AHCYL1: variants seen among roughly 807,000 people sequenced by gnomAD.
AHCYL1 encodes the protein adenosylhomocysteinase like 1, also known as S-adenosylhomocysteine hydrolase-like protein 1.
Under a neutral mutation model 79.3 loss-of-function variants are expected in AHCYL1, and 20 were observed. The observed-to-expected ratio is 0.25, with a 90% CI of 0.18 to 0.37. The LOEUF is 0.37. Among genes scored for constraint, AHCYL1 ranks in the 10% least tolerant of loss-of-function variants. AHCYL1 has a pLI of 1.00. For synonymous variants in AHCYL1, 223 were observed against 242.2 expected (o/e 0.92, Z 0.74); for missense variants, 330 against 673.6 (o/e 0.49, Z 5.65).
At chr1:110,021,609 G>T in intron 16 of AHCYL1, 65 bp from the exon 17 acceptor site, 2 of 1,558,652 alleles carry the variant, frequency 1.3e-6, no homozygotes, top group Non-Finnish European at 1.8e-6. Context: ...CTCTGTTTCC[G>T]ATTGTTTTTT....
chr1:109,994,256 TTTGTG>T (rs1327772982), intron 1 of AHCYL1, among the ~76,000 whole-genome samples: 1 of 139,136 alleles, frequency 7.2e-6, no homozygotes, highest in African/African-American at 2.5e-5. Context: ...ATTTTGCTAT[TTTGTG>T]TTGTTTGTTT....
chr1:109,995,231 G>A (rs1386507158), intron 1 of AHCYL1, among the ~76,000 whole-genome samples: 1 of 152,200 alleles, frequency 6.6e-6, no homozygotes, highest in Non-Finnish European at 1.5e-5. Context: ...GATGGTTGAT[G>A]AGATTAGTTT....
intron 6 of AHCYL1, 62 bp downstream of exon 6, chr1:110,014,919 G>A: frequency 1.4e-6 from 2 of 1,473,206 alleles, no homozygotes; most frequent in Non-Finnish European, 9.5e-7. Flanking sequence ...TTCCCTCAAA[G>A]CATGGTTCCC....
At position 109,985,189 on chromosome 1, in the gene AHCYL1, T is replaced by TGGC. The variant is rs1160400359; in HGVS notation, c.120+23_120+25dup. On this transcript the variant is annotated intron_variant, in intron 1 of 16. Transcript: ENST00000369799. ...CCCAAGAAGGTGCGGGGGCTCTGGG[T>TGGC]GGCGGCGGGGGCTCGGGCTCCGGCC... The TGGC allele has an allele frequency of 6.2e-7, 1 of 1,600,274 alleles. No individual in the cohort carries two copies. The highest frequency in any genetic ancestry group is 8.5e-7 in the Non-Finnish European group (1 of 1,173,930).
chr1:110,000,938 C>T, intron 1 of AHCYL1: 1 of 984,986 alleles, frequency 1.0e-6, no homozygotes, highest in Non-Finnish European at 1.2e-6. Flanking sequence ...AGGCAAAGCA[C>T]TTAAAGTCAT....
rs1402767526 is a variant in AHCYL1 at position 110,020,720 on chromosome 1, G to T, written c.1466-11G>T. The T allele has an allele frequency of 7.5e-6, 12 of 1,595,268 alleles. No individual in the cohort carries two copies. Among genetic ancestry groups the T allele is most frequent in the Non-Finnish European group, 1.0e-5 (12 of 1,173,312 alleles). On this transcript the variant is annotated splice_polypyrimidine_tract_variant and intron_variant, in intron 15 of 16. Coordinates refer to ENST00000369799, the MANE Select transcript of AHCYL1 (RefSeq NM_006621.7). The stretch of plus-strand genomic sequence containing the variant: ...AAGGAGTCTGCTCTCCTGCCACTTT[G>T]CTCTTCCTAGATGAATACGTTGCCA...
intron 1 of AHCYL1, among the ~76,000 whole-genome samples, chr1:109,996,732 T>A (rs1399908746): frequency 1.3e-5 from 2 of 152,258 alleles, no homozygotes; most frequent in Admixed American, 1.3e-4. Context: ...TGCACTGCAC[T>A]ACGATGTCAC....
rs767752414 is a variant in AHCYL1 at position 110,018,577 on chromosome 1, C to T, written c.1244C>T (p.Thr415Met). 2 of 1,613,910 alleles carry T rather than the reference C, an allele frequency of 1.2e-6. No homozygotes were observed. Among genetic ancestry groups the T allele is most frequent in the South Asian group, 1.1e-5 (1 of 91,066 alleles). Reference sequence around the variant, plus strand: ...ACCAGCCTCCGCACTCCGGAGCTGACGTGGGAGCGAGTACGTTCTCAGGTG... The same window carrying T: ...ACCAGCCTCCGCACTCCGGAGCTGATGTGGGAGCGAGTACGTTCTCAGGTG... ...DVTSLRTPELTWERVRSQVDH... is the reference protein window; with the variant it reads ...DVTSLRTPELMWERVRSQVDH... Residue 415 changes from threonine (T) to methionine (M), a missense_variant, in exon 13 of 17, where the codon ACG becomes ATG. This residue lies in a region of AHCYL1 where 119 missense variants were observed against 293.3 expected (regional missense o/e 0.41). Transcript: ENST00000369799.
chr1:110,021,044 G>A (rs1651763492), intron 16 of AHCYL1, among the ~76,000 whole-genome samples, 193 bp downstream of exon 16: 1 of 152,224 alleles, frequency 6.6e-6, no homozygotes, highest in Non-Finnish European at 1.5e-5. Context: ...GATCACTTGA[G>A]GTCAGGAGTT....
intron 1 of AHCYL1, among the ~76,000 whole-genome samples, chr1:110,005,010 A>G (rs566116063): frequency 6.6e-6 from 1 of 152,318 alleles, no homozygotes; most frequent in South Asian, 2.1e-4. Flanking sequence ...CTCAGTTGCT[A>G]AGAAATATGC....
At chr1:110,016,808 A>C (rs542313178) in intron 9 of AHCYL1, 78 bp downstream of exon 9, 1 of 1,536,472 alleles carries the variant, frequency 6.5e-7, no homozygotes, top group Admixed American at 1.9e-5. Flanking sequence ...TTGTGCTGTC[A>C]ATCTAGAGTC....
rs931409894 is a variant in AHCYL1, at chr1:110,020,981, G to C, written c.1586+130G>C. On this transcript the variant is annotated intron_variant, in intron 16 of 16. Coordinates refer to ENST00000369799, the MANE Select transcript of AHCYL1 (RefSeq NM_006621.7). ...AATACAAGAAATCTGTTCCAGGCCA[G>C]GCACGGTGGCTCACGCCTGTAATCC... is the stretch of plus-strand genomic sequence containing the variant. 5.9e-6 allele frequency: 8 copies of C among 1,360,146 alleles called. No homozygotes were observed. In the African/African-American group the frequency reaches 7.5e-5, roughly 13 times the overall value. 84.3% of individuals were successfully genotyped at this position (1,360,146 alleles called of 1,614,324 possible).
chr1:110,005,505 C>T (rs937259402), intron 1 of AHCYL1, among the ~76,000 whole-genome samples: 2 of 152,164 alleles, frequency 1.3e-5, no homozygotes, highest in African/African-American at 4.8e-5. Flanking sequence ...ATAGAACTTT[C>T]CTGGAGTAGC....
At position 110,018,960 on chromosome 1, in the gene AHCYL1, G is replaced by A. The variant is rs41280338; in HGVS notation, c.1318-91G>A. Reference sequence around the variant, plus strand: ...CTTCCTCTTCCAACTGAGTCTAGAGGGGTGTAAAGTCCTCTCCCGCTTTGG... The same window carrying A: ...CTTCCTCTTCCAACTGAGTCTAGAGAGGTGTAAAGTCCTCTCCCGCTTTGG... On this transcript the variant is annotated intron_variant, in intron 13 of 16. Coordinates refer to ENST00000369799, the MANE Select transcript of AHCYL1 (RefSeq NM_006621.7). 2,726 of 1,143,984 alleles carry A rather than the reference G, an allele frequency of 2.4e-3. 4 individuals are homozygous for A. The highest frequency in any genetic ancestry group is 3.3e-3 in the Non-Finnish European group (2,489 of 751,912). 70.9% of individuals were successfully genotyped at this position (1,143,984 alleles called of 1,614,324 possible). A position where few individuals can be genotyped will look rare whatever the true frequency, so the allele number is the denominator to read the frequency against.
At chr1:110,018,154 A>G in intron 11 of AHCYL1, 138 bp downstream of exon 11, 2 of 1,081,982 alleles carry the variant, frequency 1.8e-6, no homozygotes, top group African/African-American at 3.2e-5. Flanking sequence ...GAACCTTAAC[A>G]TGTTTTCCAG....
intron 1 of AHCYL1, among the ~76,000 whole-genome samples, chr1:110,007,606 A>G (rs1432184810): frequency 9.2e-5 from 14 of 152,214 alleles, no homozygotes; most frequent in Admixed American, 2.6e-4. Context: ...ACTAATGGGT[A>G]GTTTACTGTT....
intron 1 of AHCYL1, among the ~76,000 whole-genome samples, chr1:109,988,471 T>C (rs931648552): frequency 6.6e-6 from 1 of 152,214 alleles, no homozygotes; most frequent in Non-Finnish European, 1.5e-5. Flanking sequence ...CACTGGTTAT[T>C]TATCCCTCTT....
chr1:110,017,458 A>T (rs2101740512), intron 9 of AHCYL1, 37 bp from the exon 10 acceptor site: 1 of 1,599,586 alleles, frequency 6.3e-7, no homozygotes, highest in East Asian at 2.2e-5. Flanking sequence ...CCATGACTTA[A>T]TGAACCTAAC....
chr1:110,013,091 T>A, intron 5 of AHCYL1, 92 bp downstream of exon 5: 1 of 942,440 alleles, frequency 1.1e-6, no homozygotes, highest in Non-Finnish European at 1.6e-6. Context: ...CAATATCATA[T>A]ATGTCTAGAG....
Sources: gnomAD v4.1 joint callset for allele counts (sites outside exome capture counted in the v4.1 genomes callset) on GRCh38, gnomAD v4.1.1 for gene constraint, gnomAD v4.1.1 regional missense constraint, MANE v1.5 for transcripts, NCBI Gene and HGNC (gene_info 2026-07-23, HGNC 2026-07-21) for gene names.